The following GDPD5 variants were observed in gnomAD, a reference collection of about 807,000 sequenced individuals.
The protein encoded by GDPD5 is glycerophosphodiester phosphodiesterase domain containing 5, also known as glycerophosphodiester phosphodiesterase 2.
In GDPD5, 48 loss-of-function variants were observed where a neutral mutation model predicts 75.1. The ratio of observed to expected loss-of-function variants is 0.64; its 90% CI spans 0.51 to 0.81. The LOEUF is 0.81. Among genes scored for constraint, GDPD5 ranks in the 40% least tolerant of loss-of-function variants. The pLI, the probability that GDPD5 is intolerant of heterozygous loss-of-function variation, is 0.00. For missense variants in GDPD5, 706 were observed against 822.6 expected (o/e 0.86, Z 1.73); for synonymous variants, 336 against 339.0 (o/e 0.99, Z 0.10).
chr11:75,473,378 C>CATGGGAGG (rs1592108320), intron 3 of GDPD5, among the ~76,000 whole-genome samples: 1 of 152,072 alleles, frequency 6.6e-6, no homozygotes, highest in Non-Finnish European at 1.5e-5. Context: ...CGCTGGGCAT[C>CATGGGAGG]ATGGGAGGAT....
At position 75,456,082 on chromosome 11, in the gene GDPD5, G is replaced by A. The variant is rs554654766; in HGVS notation, c.375+675C>T. ...GAGAGAATCCTGTGTATGTAGGGGA[G>A]GTACTGAGGAAGGGGTCCGAGAGAA... On this transcript the variant is annotated intron_variant, in intron 6 of 16. Transcript: ENST00000336898. 2.0e-5 allele frequency among the ~76,000 whole-genome samples: 3 copies of A among 152,308 alleles called. No homozygotes were observed. In the South Asian group the frequency reaches 6.2e-4, roughly 32 times the overall value.
chr11:75,454,312 C>A (rs75766000), intron 6 of GDPD5, among the ~76,000 whole-genome samples: 2,294 of 152,312 alleles, frequency 0.015, 61 homozygotes, highest in African/African-American at 0.052. Context: ...CAGCAAGGTA[C>A]CACTTTTCAC....
chr11:75,467,144 C>A (rs1490665069), intron 3 of GDPD5, among the ~76,000 whole-genome samples: 1 of 152,196 alleles, frequency 6.6e-6, no homozygotes, highest in African/African-American at 2.4e-5. Context: ...GACCCTCAAT[C>A]AAATTGTAAT....
intron 6 of GDPD5, chr11:75,455,260 C>T (rs935101528): frequency 1.3e-5 from 6 of 454,486 alleles, no homozygotes; most frequent in African/African-American, 8.0e-5. Context: ...CAGCCCCACC[C>T]GGGGTGCCAG....
At chr11:75,459,316 T>C (rs1949361315) in intron 4 of GDPD5, among the ~76,000 whole-genome samples, 2 of 150,044 alleles carry the variant, frequency 1.3e-5, no homozygotes, top group African/African-American at 4.9e-5. Context: ...GATACAATTA[T>C]AGGGTCAAAG....
intron 1 of GDPD5, among the ~76,000 whole-genome samples, chr11:75,494,050 A>G (rs1318955734): frequency 1.3e-5 from 2 of 152,188 alleles, no homozygotes; most frequent in Non-Finnish European, 2.9e-5. Flanking sequence ...CAAAAATTTA[A>G]TTAATATTTC....
intron 9 of GDPD5, 48 bp from the exon 10 acceptor site, chr11:75,444,543 A>AC (rs766099370): frequency 7.3e-7 from 1 of 1,365,742 alleles, no homozygotes; most frequent in Admixed American, 1.7e-5. Context: ...CAGCTGATGT[A>AC]CCCTCCCCAG....
chr11:75,494,782 T>C (rs1950180303), intron 1 of GDPD5, among the ~76,000 whole-genome samples: 1 of 151,602 alleles, frequency 6.6e-6, no homozygotes, highest in African/African-American at 2.4e-5. Flanking sequence ...TGAAATCCCG[T>C]CTCTACTAAA....
intron 9 of GDPD5, among the ~76,000 whole-genome samples, chr11:75,446,461 G>C (rs1288567438): frequency 1.3e-5 from 2 of 152,154 alleles, no homozygotes; most frequent in South Asian, 2.1e-4. Flanking sequence ...GTGTGCATAG[G>C]GGGGTGGTGG....
intron 1 of GDPD5, among the ~76,000 whole-genome samples, chr11:75,500,599 G>A (rs1444702694): frequency 4.6e-5 from 7 of 152,060 alleles, no homozygotes; most frequent in South Asian, 4.2e-4. Context: ...TCCACCCCAC[G>A]GTTTCAACCA....
intron 1 of GDPD5, among the ~76,000 whole-genome samples, chr11:75,515,201 C>T (rs922531050): frequency 1.3e-5 from 2 of 152,200 alleles, no homozygotes; most frequent in Non-Finnish European, 2.9e-5. Context: ...AGGGAGTGCT[C>T]GCTGGCAGCC....
At chr11:75,471,808 G>A (rs1483097977) in intron 3 of GDPD5, among the ~76,000 whole-genome samples, 1 of 152,164 alleles carries the variant, frequency 6.6e-6, no homozygotes, top group African/African-American at 2.4e-5. Flanking sequence ...GGTTTCCTAA[G>A]GCAAGAGACA....
chr11:75,483,096 T>C (rs1464011751), intron 2 of GDPD5, among the ~76,000 whole-genome samples: 1 of 152,032 alleles, frequency 6.6e-6, no homozygotes, highest in Non-Finnish European at 1.5e-5. Flanking sequence ...CCAGGGATAA[T>C]GGCATTACTT....
chr11:75,456,149 C>T (rs1017205271), intron 6 of GDPD5, among the ~76,000 whole-genome samples: 1 of 152,164 alleles, frequency 6.6e-6, no homozygotes, highest in African/African-American at 2.4e-5. Context: ...GGGAAGGAGG[C>T]AGACATGCTG....
chr11:75,462,557 C>T (rs1425952096), intron 4 of GDPD5, among the ~76,000 whole-genome samples: 1 of 152,156 alleles, frequency 6.6e-6, no homozygotes, highest in African/African-American at 2.4e-5. Context: ...CTCACCCATA[C>T]CTCTGGCACT....
intron 1 of GDPD5, among the ~76,000 whole-genome samples, chr11:75,514,477 C>G (rs1237450250): frequency 1.3e-5 from 2 of 152,258 alleles, no homozygotes; most frequent in African/African-American, 4.8e-5. Flanking sequence ...GCCCAGGGCT[C>G]TCTGCACGGG....
At chr11:75,504,367 T>A (rs1457466357) in intron 1 of GDPD5, among the ~76,000 whole-genome samples, 1 of 152,156 alleles carries the variant, frequency 6.6e-6, no homozygotes, top group Non-Finnish European at 1.5e-5. Flanking sequence ...CCCAGGCCCA[T>A]CCAACTTCAA....
Position 75,435,569 on chromosome 11 carries a change from G to T in GDPD5, c.1756C>A (p.Pro586Thr). The change falls in exon 17 of 17, where the codon CCT (proline) becomes ACT (threonine). Residue 586 changes from proline to threonine, a missense_variant. Coordinates refer to ENST00000336898, the MANE Select transcript of GDPD5 (RefSeq NM_030792.8). ...YDTYANSTAT[P>T]VGPRGGGSHT... ...CTGCCACCCCCTCGGGGGCCCACAG[G>T]GGTGGCGGTGCTGTTGGCATATGTG... 6.2e-7 allele frequency: 1 copy of T among 1,613,546 alleles called. No homozygotes were observed. The highest frequency in any genetic ancestry group is 8.5e-7 in the Non-Finnish European group (1 of 1,179,784).
At position 75,448,966 on chromosome 11, in the gene GDPD5, G is replaced by A; in HGVS notation, c.714+11C>T. 1 of 1,557,560 alleles carries A rather than the reference G, an allele frequency of 6.4e-7. No individual in the cohort carries two copies. Among genetic ancestry groups the A allele is most frequent in the Non-Finnish European group, 8.6e-7 (1 of 1,162,124 alleles). On this transcript the variant is annotated intron_variant, in intron 9 of 16. Transcript: ENST00000336898. Reference sequence around the variant, plus strand: ...CCAACGGGGCTGTTAGGACCCTGAGGTGGCACTCACCATGGGGGCCCCGCG... The same window carrying A: ...CCAACGGGGCTGTTAGGACCCTGAGATGGCACTCACCATGGGGGCCCCGCG...
Sources: allele counts gnomAD v4.1 joint callset (sites outside exome capture counted in the v4.1 genomes callset), GRCh38; gene constraint gnomAD v4.1.1; transcripts MANE v1.5; gene names NCBI Gene and HGNC (gene_info 2026-07-23, HGNC 2026-07-21).